The following EYS variants were observed in gnomAD, a reference collection of about 807,000 sequenced individuals.
EYS encodes EGF-like photoreceptor maintenance factor.
A neutral mutation model predicts 282.1 loss-of-function variants in EYS; 250 were observed. That is an observed-to-expected ratio of 0.89 (90% CI 0.80 to 0.98). The LOEUF is 0.98. Among genes scored for constraint, EYS ranks in the 50% least tolerant of loss-of-function variants. The pLI is 0.00. For missense variants in EYS, 4,016 were observed against 3,709.0 expected, an observed-to-expected ratio of 1.08 and a Z score of -2.15; for synonymous variants, 1,355 against 1,282.9, an observed-to-expected ratio of 1.06 and a Z score of -1.20.
intron 24 of EYS, among the ~76,000 whole-genome samples, chr6:64,614,724 G>A (rs1022153003): frequency 6.6e-6 from 1 of 152,040 alleles, no homozygotes; most frequent in Non-Finnish European, 1.5e-5. Flanking sequence ...AACAGCTTGG[G>A]CAAAATCATT....
intron 22 of EYS, among the ~76,000 whole-genome samples, chr6:64,664,522 T>C (rs931566010): frequency 6.6e-6 from 1 of 152,088 alleles, no homozygotes; most frequent in African/African-American, 2.4e-5. Flanking sequence ...GCCAAAAGAG[T>C]TAAAAAACAC....
intron 29 of EYS, among the ~76,000 whole-genome samples, chr6:64,355,366 C>T (rs1771789008): frequency 6.6e-6 from 1 of 151,528 alleles, no homozygotes; most frequent in Non-Finnish European, 1.5e-5. Context: ...AAATCATCTA[C>T]CTCACAGGGT....
chr6:64,144,728 A>G (rs1007223932), intron 31 of EYS, among the ~76,000 whole-genome samples: 2 of 152,218 alleles, frequency 1.3e-5, no homozygotes, highest in African/African-American at 2.4e-5. Flanking sequence ...AGGGCTGGGA[A>G]GAAGTGACAA....
intron 12 of EYS, among the ~76,000 whole-genome samples, chr6:65,216,459 A>C (rs9445485): frequency 0.012 from 1,901 of 152,092 alleles, 25 homozygotes; most frequent in African/African-American, 0.038. Flanking sequence ...ATTAATGTAC[A>C]CAAATATATT....
chr6:65,181,461 T>C (rs1254124132), intron 12 of EYS, among the ~76,000 whole-genome samples: 1 of 152,164 alleles, frequency 6.6e-6, no homozygotes, highest in Non-Finnish European at 1.5e-5. Context: ...GAAAAAATGC[T>C]CACCATCACT....
intron 22 of EYS, among the ~76,000 whole-genome samples, chr6:64,785,909 C>T (rs1167323364): frequency 6.6e-6 from 1 of 152,140 alleles, no homozygotes; most frequent in Non-Finnish European, 1.5e-5. Context: ...TTCAAAATGT[C>T]AGTAAATACT....
intron 31 of EYS, among the ~76,000 whole-genome samples, chr6:64,125,143 A>ACTCTCTCT (rs1562213495): frequency 6.8e-5 from 10 of 147,382 alleles, no homozygotes; most frequent in African/African-American, 2.6e-4. Context: ...ACACACACAC[A>ACTCTCTCT]CACACTCTCT....
chr6:64,998,347 T>C (rs1324828950), intron 13 of EYS, among the ~76,000 whole-genome samples: 1 of 152,198 alleles, frequency 6.6e-6, no homozygotes, highest in African/African-American at 2.4e-5. Context: ...TTATAACTAC[T>C]TGCAGTCAGT....
At position 64,297,693 on chromosome 6, in the gene EYS, T is replaced by G. The variant is rs556695612; in HGVS notation, c.6191+9277A>C. Among the ~76,000 whole-genome samples the G allele has an allele frequency of 3.4e-3, 518 of 152,110 alleles. 1 individual carries two copies. The highest frequency in any genetic ancestry group is 0.012 in the African/African-American group (495 of 41,544). ...CAAAACAGTCCTTTCAGAAGTTAGA[T>G]AGAGCTGGGTGTGATGGCTCACACC... is the stretch of plus-strand genomic sequence containing the variant. On this transcript the variant is annotated intron_variant, in intron 30 of 42. Coordinates refer to ENST00000503581, the MANE Select transcript of EYS (RefSeq NM_001142800.2).
chr6:64,803,306 T>C (rs993013470), intron 22 of EYS, among the ~76,000 whole-genome samples: 1 of 151,052 alleles, frequency 6.6e-6, no homozygotes, highest in African/African-American at 2.4e-5. Flanking sequence ...TCAAATTGGG[T>C]AGCTCCTTTC....
At chr6:64,777,641 G>T (rs922924115) in intron 22 of EYS, among the ~76,000 whole-genome samples, 1 of 152,106 alleles carries the variant, frequency 6.6e-6, no homozygotes, top group Non-Finnish European at 1.5e-5. Flanking sequence ...CACAAAGGTT[G>T]CAAGTAATGA....
At chr6:64,219,452 C>T (rs773228782) in intron 31 of EYS, among the ~76,000 whole-genome samples, 1 of 152,124 alleles carries the variant, frequency 6.6e-6, no homozygotes, top group Non-Finnish European at 1.5e-5. Context: ...TAACTGAATG[C>T]ATTACTATCT....
chr6:64,086,265 C>T (rs1249440044), intron 31 of EYS, among the ~76,000 whole-genome samples: 1 of 152,202 alleles, frequency 6.6e-6, no homozygotes, highest in Non-Finnish European at 1.5e-5. Context: ...TTTTGTCTTT[C>T]CTTCTGCTAC....
chr6:65,424,698 A>G (rs1767595797), intron 5 of EYS, among the ~76,000 whole-genome samples: 1 of 152,042 alleles, frequency 6.6e-6, no homozygotes, highest in Non-Finnish European at 1.5e-5. Flanking sequence ...GAAATATTTA[A>G]ATATTCTGGT....
At chr6:64,667,177 A>T (rs1769261883) in intron 22 of EYS, among the ~76,000 whole-genome samples, 2 of 148,722 alleles carry the variant, frequency 1.3e-5, no homozygotes, top group South Asian at 4.2e-4. Flanking sequence ...TAAATATTTA[A>T]TAATATTTAT....
intron 22 of EYS, among the ~76,000 whole-genome samples, chr6:64,669,518 G>A (rs1280558664): frequency 3.3e-5 from 5 of 152,200 alleles, no homozygotes; most frequent in Non-Finnish European, 7.4e-5. Context: ...GAGAAAAGGG[G>A]GCTTTGAGAA....
intron 12 of EYS, among the ~76,000 whole-genome samples, chr6:65,261,608 A>G (rs943949966): frequency 2.0e-5 from 3 of 152,112 alleles, no homozygotes; most frequent in Non-Finnish European, 2.9e-5. Flanking sequence ...CTATGTATAG[A>G]TAAAAAATAA....
At chr6:65,677,847 T>C (rs1444888137) in intron 1 of EYS, among the ~76,000 whole-genome samples, 1 of 151,986 alleles carries the variant, frequency 6.6e-6, no homozygotes, top group African/African-American at 2.4e-5. Context: ...GGCAGACATA[T>C]AAACCAATGA....
rs977950034 is a variant in EYS at position 65,001,132 on chromosome 6, T to C, written c.2138-3429A>G. Among the ~76,000 whole-genome samples, 16 of 119,062 alleles carry C rather than the reference T, an allele frequency of 1.3e-4. 1 individual carries two copies. The highest frequency in any genetic ancestry group is 2.9e-4 in the Non-Finnish European group (14 of 49,074). The allele number at this position is 119,062 out of a possible 152,430, so 78.1% of individuals were successfully genotyped here. ...TGCTCTCAGCCTTGCTGTCCGCAGATGGCTTTAAGGGTTAACCAGCTGAAT... is the reference window on the plus strand; with the variant it reads ...TGCTCTCAGCCTTGCTGTCCGCAGACGGCTTTAAGGGTTAACCAGCTGAAT... On this transcript the variant is annotated intron_variant, in intron 13 of 42. Coordinates refer to ENST00000503581, the MANE Select transcript of EYS (RefSeq NM_001142800.2).
Sources: allele counts gnomAD v4.1 joint callset (sites outside exome capture counted in the v4.1 genomes callset), GRCh38; gene constraint gnomAD v4.1.1; transcripts MANE v1.5; gene names NCBI Gene and HGNC (gene_info 2026-07-23, HGNC 2026-07-21).